Variants in OSTN observed in about 807,000 individuals in gnomAD.
OSTN encodes the protein osteocrin.
In OSTN, 9 loss-of-function variants were observed where a neutral mutation model predicts 12.0. The observed-to-expected ratio is 0.75, with a 90% CI of 0.45 to 1.30. OSTN has a LOEUF of 1.30. Ranked by LOEUF, OSTN falls within the 50% of genes most tolerant of loss-of-function variation. The probability of loss-of-function intolerance (pLI) is 0.00; values close to 1 mark genes in which losing one functional copy is unlikely to be tolerated. For synonymous variants in OSTN, 59 were observed against 56.9 expected, an observed-to-expected ratio of 1.04 and a Z score of -0.16; for missense variants, 148 against 152.3, an observed-to-expected ratio of 0.97 and a Z score of 0.15.
rs1715901245 is a variant in OSTN, at chr3:191,265,430, A to C, written c.*2577A>C. On this transcript the variant is annotated 3_prime_UTR_variant, in exon 5 of 5. Coordinates refer to ENST00000682035, the MANE Select transcript of OSTN (RefSeq NM_198184.2). ...AAAATGTCTGTCAAGTTGTACCTTT[A>C]ACCTGTTCATAGCTTTAGGGAATTA... The C allele has an allele frequency of 6.6e-6, 1 of 152,222 alleles. No individual in the cohort carries two copies. Among genetic ancestry groups the C allele is most frequent in the Admixed American group, 6.5e-5 (1 of 15,280 alleles). The allele number at this position is 152,222 out of a possible 1,614,324, so 9.4% of individuals were successfully genotyped here. A position where few individuals can be genotyped will look rare whatever the true frequency, so the allele number is the denominator to read the frequency against.
chr3:191,240,769 G>T (rs891542749), intron 3 of OSTN, among the ~76,000 whole-genome samples: 2 of 152,254 alleles, frequency 1.3e-5, no homozygotes, highest in Non-Finnish European at 2.9e-5. Context: ...GGCTGTTGGC[G>T]AGAGGCCTTA....
intron 1 of OSTN, 22 bp downstream of exon 1, chr3:191,199,329 A>T (rs772775014): frequency 6.6e-6 from 1 of 152,148 alleles, no homozygotes; most frequent in Admixed American, 6.5e-5. Context: ...GTAAAAATTG[A>T]TAAAGATTTA....
intron 3 of OSTN, among the ~76,000 whole-genome samples, chr3:191,244,188 T>G (rs1367390655): frequency 2.0e-5 from 3 of 152,158 alleles, no homozygotes; most frequent in Non-Finnish European, 4.4e-5. Context: ...ACCTGCTGTT[T>G]TTTGGAATGT....
At chr3:191,222,071 G>A (rs567506297) in intron 3 of OSTN, among the ~76,000 whole-genome samples, 102 of 152,210 alleles carry the variant, frequency 6.7e-4, no homozygotes, top group Middle Eastern at 3.2e-3. Context: ...ATTGAGGTTC[G>A]CCAACTTCCA....
chr3:191,257,185 CAAAAAAAA>C (rs71175391), intron 4 of OSTN, among the ~76,000 whole-genome samples: 11 of 72,168 alleles, frequency 1.5e-4, no homozygotes, highest in African/African-American at 4.6e-4. Flanking sequence ...AACCCTCTCT[CAAAAAAAA>C]AAAAAAAAAA....
chr3:191,250,432 G>A lies in OSTN; in HGVS notation c.*12+299G>A, dbSNP rs146813345. Among the ~76,000 whole-genome samples, 1,264 of 152,208 alleles carry A rather than the reference G, an allele frequency of 8.3e-3. 18 individuals carry two copies. The highest frequency in any genetic ancestry group is 0.029 in the African/African-American group (1,207 of 41,528). On this transcript the variant is annotated intron_variant, in intron 4 of 4. Transcript: ENST00000682035. ...TATTAATATGCACACAAGGGTTAAA[G>A]TTCTAGTCAATATATTAAATCACCT...
chr3:191,222,619 A>C (rs1714795889), intron 3 of OSTN, among the ~76,000 whole-genome samples: 1 of 152,162 alleles, frequency 6.6e-6, no homozygotes, highest in South Asian at 2.1e-4. Flanking sequence ...TGCTGGAATG[A>C]GTTAAGATTT....
At chr3:191,224,689 A>T (rs1231531399) in intron 3 of OSTN, among the ~76,000 whole-genome samples, 1 of 152,148 alleles carries the variant, frequency 6.6e-6, no homozygotes, top group Non-Finnish European at 1.5e-5. Context: ...TTAATAACAA[A>T]ATCAAAAACA....
chr3:191,207,031 C>T (rs1455543671), intron 1 of OSTN, among the ~76,000 whole-genome samples: 1 of 152,126 alleles, frequency 6.6e-6, no homozygotes, highest in Non-Finnish European at 1.5e-5. Context: ...CACGCATGGT[C>T]ATTTCATGGT....
Position 191,250,100 on chromosome 3 carries a change from G to C in OSTN, c.381G>C (p.Arg127=). ...CCATGGATCGGATTGGTAGAAACCG[G>C]CTTTCAAATTCCAGAGGCTAATTGA... The part of the protein sequence containing the change: ...GIPMDRIGRN[R]LSNSRG The change falls in exon 4 of 5, where the codon CGG becomes CGC. Residue 127 remains arginine, a synonymous_variant. Transcript: ENST00000682035. 8 of 1,613,092 alleles carry C rather than the reference G, an allele frequency of 5.0e-6. No homozygotes were observed. Among genetic ancestry groups the C allele is most frequent in the Non-Finnish European group, 6.8e-6 (8 of 1,179,112 alleles).
intron 3 of OSTN, among the ~76,000 whole-genome samples, chr3:191,232,371 C>G (rs1271123134): frequency 7.8e-6 from 1 of 128,796 alleles, no homozygotes; most frequent in East Asian, 2.3e-4. Context: ...ATTGTTGTAA[C>G]TAGTGCAGAA....
At chr3:191,205,055 G>A (rs571219626) in intron 1 of OSTN, among the ~76,000 whole-genome samples, 10 of 152,194 alleles carry the variant, frequency 6.6e-5, no homozygotes, top group African/African-American at 2.4e-4. Context: ...AAAAGGTGTA[G>A]TTTTCTCACA....
At chr3:191,262,724 T>TA (rs1715840731) in intron 4 of OSTN, 142 bp from the exon 5 acceptor site, 3 of 534,380 alleles carry the variant, frequency 5.6e-6, no homozygotes, top group East Asian at 5.9e-5. Flanking sequence ...GTCTTCAAAA[T>TA]AAAAAATTGC....
intron 1 of OSTN, among the ~76,000 whole-genome samples, chr3:191,211,393 C>A (rs886617546): frequency 1.3e-5 from 2 of 152,102 alleles, no homozygotes; most frequent in Admixed American, 6.5e-5. Context: ...ATTAATAAAT[C>A]TATTTTCTCT....
intron 3 of OSTN, among the ~76,000 whole-genome samples, chr3:191,225,598 G>A (rs953398962): frequency 6.6e-6 from 1 of 152,020 alleles, no homozygotes; most frequent in Non-Finnish European, 1.5e-5. Context: ...TGGTGGACTG[G>A]ATAAAGAAAA....
At chr3:191,244,052 A>G (rs2108548559) in intron 3 of OSTN, among the ~76,000 whole-genome samples, 1 of 152,160 alleles carries the variant, frequency 6.6e-6, no homozygotes, top group South Asian at 2.1e-4. Context: ...GTAATGCTCT[A>G]TTTCTTATGC....
At chr3:191,209,775 T>C (rs1714371016) in intron 1 of OSTN, among the ~76,000 whole-genome samples, 2 of 152,208 alleles carry the variant, frequency 1.3e-5, no homozygotes, top group Non-Finnish European at 2.9e-5. Flanking sequence ...TGACAAGTTG[T>C]TTTTTGTTGT....
chr3:191,221,981 C>T (rs1714777981), intron 3 of OSTN, among the ~76,000 whole-genome samples: 1 of 152,194 alleles, frequency 6.6e-6, no homozygotes, highest in South Asian at 2.1e-4. Context: ...ATAACTGGGG[C>T]CATGGTTTCA....
intron 1 of OSTN, among the ~76,000 whole-genome samples, chr3:191,206,816 T>C (rs1714287149): frequency 2.0e-5 from 3 of 152,256 alleles, no homozygotes; most frequent in Non-Finnish European, 4.4e-5. Context: ...CTGTCCCTTT[T>C]AGGCCTTTTT....
Sources: gnomAD v4.1 joint callset for allele counts (sites outside exome capture counted in the v4.1 genomes callset) on GRCh38, gnomAD v4.1.1 for gene constraint, MANE v1.5 for transcripts, NCBI Gene and HGNC (gene_info 2026-07-23, HGNC 2026-07-21) for gene names.